The following TBC1D32 variants were observed in gnomAD, a reference collection of about 807,000 sequenced individuals.
TBC1D32 encodes protein broad-minded.
Under a neutral mutation model 170.3 loss-of-function variants are expected in TBC1D32, and 151 were observed. The observed-to-expected ratio is 0.89, with a 90% CI of 0.78 to 1.01. The LOEUF (loss-of-function observed/expected upper bound fraction) is 1.01, where lower values mean the gene tolerates loss of function less well. TBC1D32 is among the 50% of genes least tolerant of loss of function. The probability of loss-of-function intolerance (pLI) is 0.00; values close to 1 mark genes in which losing one functional copy is unlikely to be tolerated. For missense variants in TBC1D32, 1,464 were observed against 1,457.1 expected (o/e 1.00, Z -0.08); for synonymous variants, 498 against 488.0 (o/e 1.02, Z -0.27).
At chr6:121,272,253 A>C (rs1001337597) in intron 15 of TBC1D32, among the ~76,000 whole-genome samples, 1 of 152,194 alleles carries the variant, frequency 6.6e-6, no homozygotes, top group Non-Finnish European at 1.5e-5. Flanking sequence ...CAAAATTGAC[A>C]AATGGGATCT....
intron 15 of TBC1D32, among the ~76,000 whole-genome samples, chr6:121,267,525 C>A (rs1800699750): frequency 6.6e-6 from 1 of 152,144 alleles, no homozygotes; most frequent in Non-Finnish European, 1.5e-5. Context: ...ACGGCTAGCA[C>A]AGCAGTCTGA....
At chr6:121,262,454 A>G (rs904275591) in intron 15 of TBC1D32, among the ~76,000 whole-genome samples, 6 of 151,860 alleles carry the variant, frequency 4.0e-5, no homozygotes, top group African/African-American at 4.9e-5. Context: ...ATAGGCCAGA[A>G]GAGAATAGAG....
intron 24 of TBC1D32, among the ~76,000 whole-genome samples, chr6:121,146,612 T>C (rs533502805): frequency 6.6e-6 from 1 of 152,318 alleles, no homozygotes; most frequent in African/African-American, 2.4e-5. Flanking sequence ...CACACCATAC[T>C]GGGTATACTG....
chr6:121,153,558 G>C (rs1408909861), intron 24 of TBC1D32, among the ~76,000 whole-genome samples: 1 of 152,136 alleles, frequency 6.6e-6, no homozygotes, highest in African/African-American at 2.4e-5. Flanking sequence ...GAGCCAGCAA[G>C]CAGGAACGTT....
intron 24 of TBC1D32, among the ~76,000 whole-genome samples, chr6:121,136,333 C>A (rs1298578959): frequency 6.6e-6 from 1 of 152,142 alleles, no homozygotes; most frequent in Non-Finnish European, 1.5e-5. Context: ...CTATGTAATT[C>A]TATTTGTATG....
intron 31 of TBC1D32, among the ~76,000 whole-genome samples, chr6:121,081,693 C>G (rs1206170231): frequency 6.6e-6 from 1 of 151,856 alleles, no homozygotes; most frequent in Non-Finnish European, 1.5e-5. Context: ...ATATCATATA[C>G]TAGATACTGT....
intron 20 of TBC1D32, among the ~76,000 whole-genome samples, chr6:121,235,676 C>A (rs1368927176): frequency 1.3e-5 from 2 of 152,196 alleles, no homozygotes; most frequent in African/African-American, 4.8e-5. Context: ...AGACCACAAG[C>A]CTCTTTGTTG....
At chr6:121,185,861 G>GAT (rs1414075675) in intron 22 of TBC1D32, among the ~76,000 whole-genome samples, 1 of 152,058 alleles carries the variant, frequency 6.6e-6, no homozygotes, top group Non-Finnish European at 1.5e-5. Context: ...CCCAGAAGCA[G>GAT]ATGATCATAG....
At chr6:121,092,610 A>G (rs391331) in intron 30 of TBC1D32, among the ~76,000 whole-genome samples, 54,944 of 151,812 alleles carry the variant, frequency 0.36, 15,652 homozygotes, top group African/African-American at 0.78. Context: ...CTATTCTGGA[A>G]AAATCCAAGA....
At chr6:121,266,596 T>C (rs1202463961) in intron 15 of TBC1D32, among the ~76,000 whole-genome samples, 2 of 152,142 alleles carry the variant, frequency 1.3e-5, no homozygotes, top group African/African-American at 4.8e-5. Context: ...CATTCTATTA[T>C]AAAGATACAT....
chr6:121,231,325 A>C (rs116856585), intron 20 of TBC1D32, among the ~76,000 whole-genome samples: 3,671 of 152,184 alleles, frequency 0.024, 165 homozygotes, highest in East Asian at 0.12. Flanking sequence ...TCATTGATTG[A>C]TGTGCATGTG....
intron 4 of TBC1D32, among the ~76,000 whole-genome samples, chr6:121,308,504 C>T (rs1209745980): frequency 6.6e-6 from 1 of 151,644 alleles, no homozygotes; most frequent in African/African-American, 2.4e-5. Context: ...CCAGATATGC[C>T]CCTGGCAAAG....
At chr6:121,151,522 T>G (rs1402318676) in intron 24 of TBC1D32, among the ~76,000 whole-genome samples, 1 of 152,194 alleles carries the variant, frequency 6.6e-6, no homozygotes, top group African/African-American at 2.4e-5. Context: ...TAGATCTGCT[T>G]GTTCTACAGC....
intron 1 of TBC1D32, 68 bp from the exon 2 acceptor site, chr6:121,321,862 C>A: frequency 7.4e-7 from 1 of 1,360,424 alleles, no homozygotes; most frequent in Non-Finnish European, 9.9e-7. Flanking sequence ...AAAATCAACA[C>A]AGAAAGGTAA....
intron 20 of TBC1D32, chr6:121,237,186 T>C (rs1284679196): frequency 5.3e-5 from 8 of 152,090 alleles, no homozygotes. Flanking sequence ...TCTGTTTCCT[T>C]TTCCATTTAG....
chr6:121,223,283 G>A lies in TBC1D32; in HGVS notation c.2434C>T (p.Pro812Ser). ...IYELVRNQDLPNKTEYSLREV... is the reference protein window; with the variant it reads ...IYELVRNQDLSNKTEYSLREV... ...CGAAGAGAATATTCTGTTTTATTAG[G>A]AAGATCTTGATTCCTTACAAGCTCA... The change falls in exon 21 of 32, where the codon CCT (proline) becomes TCT (serine). Residue 812 changes from proline to serine, a missense_variant. Transcript: ENST00000398212. 1.3e-6 allele frequency: 2 copies of A among 1,592,706 alleles called. No homozygotes were observed. Among genetic ancestry groups the A allele is most frequent in the Non-Finnish European group, 1.7e-6 (2 of 1,172,992 alleles).
chr6:121,108,040 C>T (rs1347813275), intron 29 of TBC1D32, among the ~76,000 whole-genome samples: 1 of 152,030 alleles, frequency 6.6e-6, no homozygotes, highest in African/African-American at 2.4e-5. Flanking sequence ...AATAGATGCT[C>T]AACATATTAT....
intron 21 of TBC1D32, among the ~76,000 whole-genome samples, chr6:121,215,025 T>A (rs544592039): frequency 6.6e-6 from 1 of 152,282 alleles, no homozygotes; most frequent in African/African-American, 2.4e-5. Flanking sequence ...CACAGGCAGG[T>A]CATCCTGATG....
chr6:121,103,075 C>T (rs1228469229), intron 30 of TBC1D32, among the ~76,000 whole-genome samples: 1 of 152,032 alleles, frequency 6.6e-6, no homozygotes, highest in Non-Finnish European at 1.5e-5. Context: ...ATTAAAAAGT[C>T]AAGAAACAAC....
Sources: gnomAD v4.1 joint callset for allele counts (sites outside exome capture counted in the v4.1 genomes callset) on GRCh38, gnomAD v4.1.1 for gene constraint, MANE v1.5 for transcripts, NCBI Gene and HGNC (gene_info 2026-07-23, HGNC 2026-07-21) for gene names.